The following WRAP53 variants were observed in gnomAD, a reference collection of about 807,000 sequenced individuals.
The protein encoded by WRAP53 is WD repeat containing antisense to TP53.
WRAP53 carries 28 observed loss-of-function variants against 56.6 expected under a neutral mutation model. The ratio of observed to expected loss-of-function variants is 0.50; its 90% confidence interval spans 0.37 to 0.68. WRAP53 has a LOEUF of 0.68. Among genes scored for constraint, WRAP53 ranks in the 30% least tolerant of loss-of-function variants. The probability of loss-of-function intolerance (pLI) is 0.00; values close to 1 mark genes in which losing one functional copy is unlikely to be tolerated. For missense variants in WRAP53, 671 were observed against 715.5 expected (o/e 0.94, Z 0.71); for synonymous variants, 283 against 283.4 (o/e 1.00, Z 0.01).
intron 4 of WRAP53, among the ~76,000 whole-genome samples, chr17:7,695,320 C>T (rs1362714166): frequency 3.9e-5 from 6 of 152,098 alleles, no homozygotes; most frequent in Non-Finnish European, 8.8e-5. Context: ...TTTCCATATA[C>T]TTGTGTGTAC....
At chr17:7,690,791 A>G (rs1199484031) in intron 4 of WRAP53, among the ~76,000 whole-genome samples, 1 of 151,986 alleles carries the variant, frequency 6.6e-6, no homozygotes, top group Non-Finnish European at 1.5e-5. Flanking sequence ...ACGCGCCTGT[A>G]ATCCCAGCTA....
In WRAP53 at chr17:7,700,742, T is replaced by C; in HGVS notation, c.644T>C (p.Val215Ala). 1 of 1,611,222 alleles carries C rather than the reference T, an allele frequency of 6.2e-7. No homozygotes were observed. Among genetic ancestry groups the C allele is most frequent in the Non-Finnish European group, 8.5e-7 (1 of 1,177,732 alleles). The change falls in exon 5 of 11, where the codon GTC (valine) becomes GCC (alanine). Residue 215 changes from valine to alanine, a missense_variant and splice_region_variant. Physicochemically the swap from Val to Ala is moderately conservative, Grantham distance 64. Around this residue, in one of 3 missense-constraint regions of WRAP53, gnomAD observed 406 missense variants for 418.5 expected, o/e 0.97. Coordinates refer to ENST00000396463, the MANE Select transcript of WRAP53 (RefSeq NM_001143992.2). ...EGEQVEYAEMVPVLRMVEGDT... is the reference protein window; with the variant it reads ...EGEQVEYAEMAPVLRMVEGDT... Reference sequence around the variant, plus strand: ...AGCCATTCCCCCGTCTCTGTATAGGTCCCTGTCCTTCGAATGGTGGAAGGT... The same window carrying C: ...AGCCATTCCCCCGTCTCTGTATAGGCCCCTGTCCTTCGAATGGTGGAAGGT...
Position 7,688,782 on chromosome 17 carries a change from C to T in WRAP53, c.134C>T (p.Pro45Leu), listed in dbSNP as rs1449086769. 1 of 1,614,220 alleles carries T rather than the reference C, an allele frequency of 6.2e-7. No homozygotes were observed. ...GACTCTGAACTGATGCCACCGCCTCCCGAAAGGGGGGATCCGCCCCGGTTG... is the reference window on the plus strand; with the variant it reads ...GACTCTGAACTGATGCCACCGCCTCTCGAAAGGGGGGATCCGCCCCGGTTG... ...NADSELMPPP[P>L]ERGDPPRLSP... Residue 45 changes from proline (P) to leucine (L), a missense_variant, in exon 2 of 11, where the codon CCC becomes CTC. This residue lies in a region of WRAP53 where 406 missense variants were observed against 418.5 expected (regional missense o/e 0.97). Transcript: ENST00000396463.
chr17:7,699,048 AC>A (rs1345177887), intron 4 of WRAP53, among the ~76,000 whole-genome samples: 6 of 151,826 alleles, frequency 4.0e-5, no homozygotes, highest in Non-Finnish European at 8.8e-5. Flanking sequence ...ACAGAGTAAG[AC>A]CCTGTCTCTA....
chr17:7,689,786 T>A, intron 4 of WRAP53, 85 bp downstream of exon 4: 1 of 1,136,334 alleles, frequency 8.8e-7, no homozygotes, highest in Non-Finnish European at 1.3e-6. Flanking sequence ...TCCAAGTGTT[T>A]CCTGTTCACA....
intron 4 of WRAP53, among the ~76,000 whole-genome samples, chr17:7,691,581 C>T (rs900182158): frequency 2.0e-5 from 3 of 151,310 alleles, no homozygotes; most frequent in Non-Finnish European, 2.9e-5. Flanking sequence ...TAAATAGAGA[C>T]GGGGTTTTAC....
intron 4 of WRAP53, 55 bp from the exon 5 acceptor site, chr17:7,700,686 G>C (rs370637813): frequency 8.0e-7 from 1 of 1,250,650 alleles, no homozygotes; most frequent in Admixed American, 1.7e-5. Context: ...AGAGGCACGC[G>C]CCTCAGACTC....
intron 4 of WRAP53, among the ~76,000 whole-genome samples, chr17:7,699,475 TTTATA>T (rs1567577360): frequency 6.6e-4 from 6 of 9,052 alleles, no homozygotes; most frequent in Non-Finnish European, 8.6e-4. Context: ...TATATATATA[TTTATA>T]TATATATATA....
chr17:7,691,572 A>T (rs2074110168), intron 4 of WRAP53, among the ~76,000 whole-genome samples: 1 of 150,974 alleles, frequency 6.6e-6, no homozygotes, highest in Admixed American at 6.6e-5. Context: ...GTATTTTTTT[A>T]AATAGAGACG....
chr17:7,695,116 A>C (rs2074165259), intron 4 of WRAP53, among the ~76,000 whole-genome samples: 1 of 151,900 alleles, frequency 6.6e-6, no homozygotes, highest in African/African-American at 2.4e-5. Flanking sequence ...CCACCACGCC[A>C]GGCTAATTTT....
chr17:7,697,035 A>G (rs1274362563), intron 4 of WRAP53, among the ~76,000 whole-genome samples: 1 of 152,154 alleles, frequency 6.6e-6, no homozygotes, highest in African/African-American at 2.4e-5. Context: ...AGTAAGAAAA[A>G]GACGGCTGGG....
chr17:7,700,878 G>C (rs1394876454), intron 5 of WRAP53, 49 bp downstream of exon 5: 1 of 1,416,156 alleles, frequency 7.1e-7, no homozygotes, highest in Admixed American at 1.7e-5. Context: ...CCAGTTTCAA[G>C]CAGGGCCTCT....
rs2074286817 is a variant in WRAP53, at chr17:7,702,385, T to G, written c.997T>G (p.Phe333Val). 6.2e-7 allele frequency: 1 copy of G among 1,614,056 alleles called. No homozygotes were observed. The highest frequency in any genetic ancestry group is 1.3e-5 in the African/African-American group (1 of 74,936). The change falls in exon 8 of 11, where the codon TTC (phenylalanine) becomes GTC (valine). Residue 333 changes from phenylalanine (F) to valine (V), a missense_variant. Physicochemically the swap from Phe to Val is conservative, Grantham distance 50 (BLOSUM62 -1). This residue lies in a region of WRAP53 where 158 missense variants were observed against 215.7 expected (regional missense o/e 0.73). Transcript: ENST00000396463. The surrounding 1 kb of genome is among the most constrained non-coding windows in gnomAD (Gnocchi z 5.0). ...GAGCGGCATCATCTCCTGCATAGCC[T>G]TCAGCCCAGCCCAGCCCCTCTATGC... ...GQSGIISCIA[F>V]SPAQPLYACG...
intron 4 of WRAP53, among the ~76,000 whole-genome samples, chr17:7,691,393 T>G (rs940682013): frequency 2.1e-5 from 3 of 140,084 alleles, no homozygotes; most frequent in Non-Finnish European, 4.7e-5. Flanking sequence ...GAGAGAGGTG[T>G]TTTTTTTTTT....
intron 4 of WRAP53, among the ~76,000 whole-genome samples, chr17:7,691,678 C>T (rs1379811709): frequency 6.6e-6 from 1 of 152,032 alleles, no homozygotes; most frequent in Non-Finnish European, 1.5e-5. Flanking sequence ...GCATGAGCCA[C>T]CGCGCCTGGC....
rs767653415 is a variant in WRAP53 at position 7,702,712 on chromosome 17, G to T, written c.1165-31G>T. ...AGGCAGGGACATCCAGGGCTTTGGG[G>T]GTGACTCCAGGTCCTGTTCCTTGTC... On this transcript the variant is annotated intron_variant, in intron 8 of 10. Transcript: ENST00000396463. This position sits in a 1 kb window ranked among gnomAD's most constrained non-coding sequence, Gnocchi z 5.0. The T allele has an allele frequency of 4.3e-6, 7 of 1,610,658 alleles. No individual in the cohort carries two copies. The highest frequency in any genetic ancestry group is 5.9e-6 in the Non-Finnish European group (7 of 1,179,084).
chr17:7,701,563 T>C lies in WRAP53; in HGVS notation c.822+14T>C, dbSNP rs1407699067. The C allele has an allele frequency of 2.5e-6, 4 of 1,614,240 alleles. No individual in the cohort carries two copies. Among genetic ancestry groups the C allele is most frequent in the Non-Finnish European group, 3.4e-6 (4 of 1,180,038 alleles). On this transcript the variant is annotated intron_variant, in intron 6 of 10. Transcript: ENST00000396463. This position sits in a 1 kb window ranked among gnomAD's most constrained non-coding sequence, Gnocchi z 4.2. Reference sequence around the variant, plus strand: ...TACAACCACCTGGTAGGGACCGCCATACTCAGCCCCAGCACTCGTACTGGC... The same window carrying C: ...TACAACCACCTGGTAGGGACCGCCACACTCAGCCCCAGCACTCGTACTGGC...
intron 4 of WRAP53, among the ~76,000 whole-genome samples, chr17:7,693,569 A>T (rs1288317789): frequency 6.6e-6 from 1 of 152,072 alleles, no homozygotes; most frequent in Non-Finnish European, 1.5e-5. Context: ...AAATACAAAA[A>T]TTAGCCGGGC....
rs2074286526 is a variant in WRAP53 at position 7,702,367 on chromosome 17, A to G, written c.979A>G (p.Ile327Val). ...AGCAAAAAAGCAGGGCCAGAGCGGC[A>G]TCATCTCCTGCATAGCCTTCAGCCC... ...TFAKKQGQSG[I>V]ISCIAFSPAQ... The change falls in exon 8 of 11, where the codon ATC becomes GTC. Residue 327 changes from isoleucine (I) to valine (V), a missense_variant. By Grantham distance (29) the Ile-to-Val change is conservative. Coordinates refer to ENST00000396463, the MANE Select transcript of WRAP53 (RefSeq NM_001143992.2). This position sits in a 1 kb window ranked among gnomAD's most constrained non-coding sequence, Gnocchi z 5.0. The G allele has an allele frequency of 3.7e-6, 6 of 1,614,100 alleles. No homozygotes were observed. The highest frequency in any genetic ancestry group is 5.1e-6 in the Non-Finnish European group (6 of 1,180,026).
Sources: gnomAD v4.1 joint callset for allele counts (sites outside exome capture counted in the v4.1 genomes callset) on GRCh38, gnomAD v4.1.1 for gene constraint, gnomAD v4.1.1 regional missense constraint, Gnocchi (gnomAD v3.1) non-coding constraint, MANE v1.5 for transcripts, NCBI Gene and HGNC (gene_info 2026-07-23, HGNC 2026-07-21) for gene names.